Variants in TMEM131L observed in about 807,000 individuals in gnomAD.
The protein encoded by TMEM131L is transmembrane 131 like.
In TMEM131L, 54 loss-of-function variants were observed where a neutral mutation model predicts 192.2. That is an observed-to-expected ratio of 0.28 (90% CI 0.23 to 0.35). The LOEUF is 0.35. Ranked by LOEUF, TMEM131L falls within the 10% of genes least tolerant of loss-of-function variation. The pLI is 1.00. For synonymous variants in TMEM131L, 701 were observed against 704.9 expected (o/e 0.99, Z 0.09); for missense variants, 1,888 against 1,972.9 (o/e 0.96, Z 0.82).
chr4:153,560,994 A>G (rs933534680), intron 7 of TMEM131L, among the ~76,000 whole-genome samples: 1 of 152,226 alleles, frequency 6.6e-6, no homozygotes, highest in Admixed American at 6.5e-5. Flanking sequence ...TCATTTTACA[A>G]TCCCACTAGC....
At chr4:153,520,437 C>G (rs1030857533) in intron 3 of TMEM131L, among the ~76,000 whole-genome samples, 3 of 152,188 alleles carry the variant, frequency 2.0e-5, no homozygotes, top group Non-Finnish European at 4.4e-5. Context: ...CCATTGCTCT[C>G]CAGCCTGGGC....
intron 26 of TMEM131L, 41 bp downstream of exon 26, chr4:153,612,441 T>G: frequency 1.4e-6 from 2 of 1,480,760 alleles, no homozygotes; most frequent in Non-Finnish European, 9.2e-7. Context: ...CAAAATCCAT[T>G]TTTAGGACTG....
intron 26 of TMEM131L, 28 bp downstream of exon 26, chr4:153,612,428 AAAC>A (rs1732690238): frequency 1.3e-6 from 2 of 1,552,516 alleles, no homozygotes; most frequent in African/African-American, 1.4e-5. Context: ...TGCCTATTAA[AAAC>A]AAAATCCATT....
intron 31 of TMEM131L, among the ~76,000 whole-genome samples, chr4:153,628,140 A>G (rs896538786): frequency 1.3e-5 from 2 of 151,856 alleles, no homozygotes; most frequent in Non-Finnish European, 2.9e-5. Context: ...TCCCCAACTC[A>G]CTTTGTGTTA....
chr4:153,521,346 C>G (rs933985985), intron 3 of TMEM131L, among the ~76,000 whole-genome samples: 3 of 152,152 alleles, frequency 2.0e-5, no homozygotes, highest in Non-Finnish European at 4.4e-5. Context: ...GTTTCAAATG[C>G]GTGTCTCCTC....
intron 19 of TMEM131L, 42 bp from the exon 20 acceptor site, chr4:153,596,216 G>A (rs569079298): frequency 5.0e-6 from 8 of 1,608,358 alleles, no homozygotes; most frequent in East Asian, 4.5e-5. Flanking sequence ...ATGGAAGCTT[G>A]CTTTCTAGGA....
chr4:153,500,276 T>C (rs1733504667), intron 3 of TMEM131L, among the ~76,000 whole-genome samples: 1 of 152,124 alleles, frequency 6.6e-6, no homozygotes, highest in Non-Finnish European at 1.5e-5. Flanking sequence ...CTAATTTTTA[T>C]ATATTCCTTT....
intron 3 of TMEM131L, among the ~76,000 whole-genome samples, chr4:153,542,080 C>T (rs1736827946): frequency 6.6e-6 from 1 of 152,222 alleles, no homozygotes; most frequent in African/African-American, 2.4e-5. Context: ...AAGGAAGATG[C>T]TGAACAGCTA....
chr4:153,480,517 CAAAAAAAA>C (rs1157080931), intron 3 of TMEM131L, among the ~76,000 whole-genome samples: 17 of 50,758 alleles, frequency 3.3e-4, no homozygotes, highest in African/African-American at 1.3e-3. Flanking sequence ...GACTCCATCT[CAAAAAAAA>C]AAAAAAAAAA....
At chr4:153,482,881 G>T (rs949538906) in intron 3 of TMEM131L, among the ~76,000 whole-genome samples, 1 of 152,062 alleles carries the variant, frequency 6.6e-6, no homozygotes, top group Non-Finnish European at 1.5e-5. Context: ...GTGAGCCATC[G>T]TGTCCAGTCC....
chr4:153,621,933 C>T lies in TMEM131L; in HGVS notation c.3859+84C>T. ...GAAGTATCTAATAAGAGAAATGACACCTCAGTGATTTTATCTCTACAGGCA... is the reference window on the plus strand; with the variant it reads ...GAAGTATCTAATAAGAGAAATGACATCTCAGTGATTTTATCTCTACAGGCA... On this transcript the variant is annotated intron_variant, in intron 28 of 34. Coordinates refer to ENST00000409959, the MANE Select transcript of TMEM131L (RefSeq NM_001131007.2). 4 of 1,318,564 alleles carry T rather than the reference C, an allele frequency of 3.0e-6. No homozygotes were observed. In the South Asian group the frequency reaches 4.0e-5, roughly 13 times the overall value. The allele number at this position is 1,318,564 out of a possible 1,614,324, so 81.7% of individuals were successfully genotyped here.
chr4:153,541,367 C>G (rs1047590252), intron 3 of TMEM131L, among the ~76,000 whole-genome samples: 2 of 152,148 alleles, frequency 1.3e-5, no homozygotes, highest in Non-Finnish European at 2.9e-5. Flanking sequence ...TTTTGGTCCT[C>G]ATGGAATGTG....
chr4:153,523,073 A>C (rs895655990), intron 3 of TMEM131L, among the ~76,000 whole-genome samples: 2 of 152,224 alleles, frequency 1.3e-5, no homozygotes, highest in Admixed American at 1.3e-4. Context: ...CTAATCATCA[A>C]CGTACTGTGT....
rs1007184571 is a variant in TMEM131L at position 153,466,375 on chromosome 4, C to T, written c.-23C>T. 7.8e-6 allele frequency: 10 copies of T among 1,274,372 alleles called. No individual in the cohort carries two copies. The highest frequency in any genetic ancestry group is 2.4e-5 in the South Asian group (1 of 41,430). 78.9% of individuals were successfully genotyped at this position (1,274,372 alleles called of 1,614,324 possible). On this transcript the variant is annotated 5_prime_UTR_variant, in exon 1 of 35. The change creates a new upstream start codon in the 5' untranslated region. Transcript: ENST00000409959. ...AGCTAGCGGCGAGCGCGGCGAGCAA[C>T]GGAGAGGAGCGCGAGCAGCAGCATG...
chr4:153,587,579 A>G (rs530546055), intron 14 of TMEM131L, among the ~76,000 whole-genome samples, 163 bp from the exon 15 acceptor site: 5 of 152,272 alleles, frequency 3.3e-5, no homozygotes, highest in African/African-American at 1.2e-4. Flanking sequence ...GACAGTTCAG[A>G]TTTCTCTGAA....
chr4:153,583,641 C>G lies in TMEM131L; in HGVS notation c.1029C>G (p.Asn343Lys). The G allele has an allele frequency of 6.2e-7, 1 of 1,606,090 alleles. No individual in the cohort carries two copies. The highest frequency in any genetic ancestry group is 8.5e-7 in the Non-Finnish European group (1 of 1,177,074). The change falls in exon 11 of 35, where the codon AAC becomes AAG. Residue 343 changes from asparagine to lysine, a missense_variant. Coordinates refer to ENST00000409959, the MANE Select transcript of TMEM131L (RefSeq NM_001131007.2). ...EPVLLPTSTT[N>K]FTKIASFTCK... ...TACTACTACCTACTTCTACAACAAA[C>G]TTTACAAAAATTGCTTCTTTTACCT... is the stretch of plus-strand genomic sequence containing the variant.
intron 13 of TMEM131L, 112 bp downstream of exon 13, chr4:153,585,723 G>A (rs1730658486): frequency 1.6e-6 from 1 of 619,932 alleles, no homozygotes; most frequent in Non-Finnish European, 2.4e-6. Flanking sequence ...ATGCTATGAA[G>A]TTATTATTTA....
chr4:153,467,463 G>T (rs1209584922), intron 2 of TMEM131L, among the ~76,000 whole-genome samples, 182 bp downstream of exon 2: 2 of 152,194 alleles, frequency 1.3e-5, no homozygotes, highest in African/African-American at 4.8e-5. Flanking sequence ...CTCCTCCCAC[G>T]CCATGTGACA....
chr4:153,586,374 A>G lies in TMEM131L; in HGVS notation c.1477A>G (p.Thr493Ala), dbSNP rs557831683. The part of the protein sequence containing the change: ...AIPLQIYSAP[T>A]KEGSLGFEVI... ...ACCTCTACAGATTTATTCAGCACCAACCAAGGTATTTTCTACAATACTATA... is the reference window on the plus strand; with the variant it reads ...ACCTCTACAGATTTATTCAGCACCAGCCAAGGTATTTTCTACAATACTATA... Residue 493 changes from threonine to alanine, a missense_variant, in exon 14 of 35, where the codon ACC (threonine) becomes GCC (alanine). By Grantham distance (58) the Thr-to-Ala change is moderately conservative. Coordinates refer to ENST00000409959, the MANE Select transcript of TMEM131L (RefSeq NM_001131007.2). The G allele has an allele frequency of 3.8e-5, 61 of 1,595,708 alleles. No individual in the cohort carries two copies. In the South Asian group the frequency reaches 6.2e-4, roughly 16 times the overall value.
Sources: allele counts gnomAD v4.1 joint callset (sites outside exome capture counted in the v4.1 genomes callset), GRCh38; gene constraint gnomAD v4.1.1; transcripts MANE v1.5; gene names NCBI Gene and HGNC (gene_info 2026-07-23, HGNC 2026-07-21).